The following RARB variants were observed in gnomAD, a reference collection of about 807,000 sequenced individuals.
RARB encodes the protein HBV-activated protein.
RARB carries 17 observed loss-of-function variants against 51.9 expected under a neutral mutation model. That is an observed-to-expected ratio of 0.33 (90% CI 0.22 to 0.49). RARB has a LOEUF of 0.49. Among genes scored for constraint, RARB ranks in the 20% least tolerant of loss-of-function variants. The pLI is 0.99. For synonymous variants in RARB, 215 were observed against 195.4 expected (o/e 1.10, Z -0.84); for missense variants, 369 against 550.8 (o/e 0.67, Z 3.30).
intron 2 of RARB, among the ~76,000 whole-genome samples, chr3:24,894,835 C>T (rs1338986322): frequency 6.6e-6 from 1 of 152,026 alleles, no homozygotes; most frequent in Non-Finnish European, 1.5e-5. Flanking sequence ...CTCATGGAGA[C>T]CATTATCCAA....
chr3:25,162,837 A>G (rs527926167), intron 4 of RARB, among the ~76,000 whole-genome samples: 1 of 152,326 alleles, frequency 6.6e-6, no homozygotes, highest in African/African-American at 2.4e-5. Flanking sequence ...GGACACTTGG[A>G]TTGTTTTCAC....
At chr3:25,062,812 T>G (rs1294725704) in intron 3 of RARB, among the ~76,000 whole-genome samples, 1 of 151,974 alleles carries the variant, frequency 6.6e-6, no homozygotes, top group Admixed American at 6.6e-5. Flanking sequence ...GATTTCTTTT[T>G]GGGAAAAATT....
intron 5 of RARB, among the ~76,000 whole-genome samples, chr3:25,199,574 G>A (rs1433516129): frequency 2.6e-5 from 4 of 152,018 alleles, no homozygotes; most frequent in Admixed American, 2.6e-4. Context: ...TTTACATTAG[G>A]TATATTTCCT....
intron 2 of RARB, among the ~76,000 whole-genome samples, chr3:24,890,008 C>T (rs149920954): frequency 1.5e-3 from 223 of 151,934 alleles, no homozygotes; most frequent in African/African-American, 4.9e-3. Flanking sequence ...TATTCTAATG[C>T]GATCAGCAGT....
chr3:25,470,356 A>G (rs1173318751), intron 2 of RARB, among the ~76,000 whole-genome samples: 4 of 152,234 alleles, frequency 2.6e-5, no homozygotes, highest in Non-Finnish European at 4.4e-5. Context: ...GGATGGATGA[A>G]TGAATGAGCA....
rs147584890 is a variant in RARB at position 25,208,215 on chromosome 3, A to T, written c.178+33640A>T. ...GATTACATCTCAACTGAAGATTTGG[A>T]GGGGACATCCAAACTATATTAGCAT... is the stretch of plus-strand genomic sequence containing the variant. On this transcript the variant is annotated intron_variant, in intron 5 of 11. Transcript: ENST00000383772. Among the ~76,000 whole-genome samples, 988 of 152,284 alleles carry T rather than the reference A, an allele frequency of 6.5e-3. 8 individuals are homozygous for T. The highest frequency in any genetic ancestry group is 0.022 in the African/African-American group (931 of 41,550).
In RARB at chr3:25,514,738, G is replaced by A. The variant is rs570187473; in HGVS notation, c.448+13415G>A. Among the ~76,000 whole-genome samples, 6 of 152,276 alleles carry A rather than the reference G, an allele frequency of 3.9e-5. No individual in the cohort carries two copies. In the South Asian group the frequency reaches 1.2e-3, roughly 32 times the overall value. On this transcript the variant is annotated intron_variant, in intron 3 of 7. Transcript: ENST00000330688. The stretch of plus-strand genomic sequence containing the variant: ...TAGTGTTTGAAAATGGACCCATTTA[G>A]GAGCCAGTCATGATATGGCCCTTCC...
At chr3:25,147,281 T>C (rs1043921422) in intron 4 of RARB, among the ~76,000 whole-genome samples, 23 of 152,146 alleles carry the variant, frequency 1.5e-4, no homozygotes, top group Non-Finnish European at 2.4e-4. Context: ...CCTTGAAATA[T>C]GACTTGTTCT....
intron 5 of RARB, among the ~76,000 whole-genome samples, chr3:25,286,793 T>G (rs1035199092): frequency 6.6e-6 from 1 of 152,232 alleles, no homozygotes; most frequent in African/African-American, 2.4e-5. Context: ...TATTTTTATT[T>G]TTACATTTCA....
rs116952867 is a variant in RARB at position 25,400,183 on chromosome 3, A to G, written c.179-61010A>G. Among the ~76,000 whole-genome samples, 37 of 152,240 alleles carry G rather than the reference A, an allele frequency of 2.4e-4. No homozygotes were observed. In the East Asian group the frequency reaches 5.4e-3, roughly 22 times the overall value. On this transcript the variant is annotated intron_variant, in intron 5 of 11. Coordinates refer to the RARB transcript ENST00000383772. ...CCAGAGACACAGTCCCAGCCATTCA[A>G]TTCTCCTCTGTCCATAGACAGGATC...
chr3:24,867,517 G>A (rs1309394585), intron 2 of RARB, among the ~76,000 whole-genome samples: 1 of 152,124 alleles, frequency 6.6e-6, no homozygotes, highest in African/African-American at 2.4e-5. Flanking sequence ...AGTAACGACT[G>A]TTCATATAGT....
chr3:24,975,407 G>A (rs1006845133), intron 2 of RARB, among the ~76,000 whole-genome samples: 2 of 152,108 alleles, frequency 1.3e-5, no homozygotes, highest in Non-Finnish European at 2.9e-5. Flanking sequence ...TGTGAAAAGA[G>A]TTCAGGTATA....
chr3:25,052,642 T>G (rs1383670497), intron 2 of RARB, among the ~76,000 whole-genome samples: 2 of 152,172 alleles, frequency 1.3e-5, no homozygotes, highest in Non-Finnish European at 2.9e-5. Context: ...TTGGTTAGAT[T>G]ATAATTGAAA....
chr3:25,234,444 GA>G (rs539167698), intron 5 of RARB, among the ~76,000 whole-genome samples: 7 of 151,944 alleles, frequency 4.6e-5, no homozygotes, highest in Non-Finnish European at 7.4e-5. Context: ...CAGTTTTGTT[GA>G]TCCTTTTAAA....
At chr3:24,998,768 G>T (rs1209530801) in intron 2 of RARB, among the ~76,000 whole-genome samples, 4 of 151,994 alleles carry the variant, frequency 2.6e-5, no homozygotes, top group African/African-American at 9.7e-5. Flanking sequence ...CTTCTTTGAA[G>T]TCCTAACACC....
intron 2 of RARB, among the ~76,000 whole-genome samples, chr3:24,965,233 G>C (rs563456885): frequency 6.6e-6 from 1 of 152,102 alleles, no homozygotes; most frequent in South Asian, 2.1e-4. Flanking sequence ...CAGGTATTTT[G>C]TATCTATCTG....
intron 5 of RARB, among the ~76,000 whole-genome samples, chr3:25,586,641 CCTT>C (rs1349169789): frequency 1.3e-5 from 2 of 152,222 alleles, no homozygotes; most frequent in Non-Finnish European, 2.9e-5. Flanking sequence ...GCAGCACCCT[CCTT>C]CTGGTGACGC....
chr3:24,842,707 A>G (rs1702434275), intron 1 of RARB, among the ~76,000 whole-genome samples: 1 of 152,186 alleles, frequency 6.6e-6, no homozygotes, highest in Admixed American at 6.5e-5. Context: ...CATTTTCTTT[A>G]ACACATACTT....
chr3:25,010,207 A>G (rs946058022), intron 2 of RARB, among the ~76,000 whole-genome samples: 8 of 152,102 alleles, frequency 5.3e-5, no homozygotes, highest in African/African-American at 1.7e-4. Context: ...ACCTTTCTCC[A>G]TCAGATTTTG....
Sources: allele counts gnomAD v4.1 joint callset (sites outside exome capture counted in the v4.1 genomes callset), GRCh38; gene constraint gnomAD v4.1.1; transcripts MANE v1.5; gene names NCBI Gene and HGNC (gene_info 2026-07-23, HGNC 2026-07-21).